Variants in TBC1D5 observed in about 807,000 individuals in gnomAD.
The protein encoded by TBC1D5 is TBC1 domain family, member 5.
In TBC1D5, 75 loss-of-function variants were observed where a neutral mutation model predicts 100.3. The ratio of observed to expected loss-of-function variants is 0.75; its 90% CI spans 0.62 to 0.91. The LOEUF (loss-of-function observed/expected upper bound fraction) is 0.91. Among genes scored for constraint, TBC1D5 ranks in the 40% least tolerant of loss-of-function variants. The pLI is 0.00. For missense variants in TBC1D5, 910 were observed against 942.4 expected, an observed-to-expected ratio of 0.97 and a Z score of 0.45; for synonymous variants, 323 against 325.6, an observed-to-expected ratio of 0.99 and a Z score of 0.09.
intron 3 of TBC1D5, among the ~76,000 whole-genome samples, chr3:17,453,012 CAA>C (rs1344502318): frequency 6.9e-6 from 1 of 145,610 alleles, no homozygotes; most frequent in East Asian, 2.0e-4. Context: ...GAGGAATTTT[CAA>C]AACTATGCAA....
At chr3:17,520,440 GA>G (rs1391201870) in intron 2 of TBC1D5, among the ~76,000 whole-genome samples, 10 of 152,130 alleles carry the variant, frequency 6.6e-5, no homozygotes, top group Non-Finnish European at 1.2e-4. Flanking sequence ...ATTGAAACAT[GA>G]TTTTTTTCAA....
chr3:17,518,015 A>C (rs1366436365), intron 2 of TBC1D5, among the ~76,000 whole-genome samples: 3 of 152,214 alleles, frequency 2.0e-5, no homozygotes, highest in Non-Finnish European at 4.4e-5. Context: ...CAATAATAAT[A>C]AACATTAAAA....
chr3:17,428,885 T>C (rs1055210503), intron 3 of TBC1D5, among the ~76,000 whole-genome samples: 1 of 152,002 alleles, frequency 6.6e-6, no homozygotes, highest in Non-Finnish European at 1.5e-5. Flanking sequence ...TCAGTGGCAC[T>C]GTCAAAAGAG....
chr3:17,255,150 T>C (rs2077525746), intron 16 of TBC1D5, among the ~76,000 whole-genome samples: 1 of 151,982 alleles, frequency 6.6e-6, no homozygotes, highest in Non-Finnish European at 1.5e-5. Context: ...ATATTTGGAG[T>C]AAGAAGAGGA....
intron 1 of TBC1D5, among the ~76,000 whole-genome samples, chr3:17,689,803 T>G (rs1174953593): frequency 2.0e-5 from 3 of 152,044 alleles, no homozygotes; most frequent in African/African-American, 7.2e-5. Context: ...GAAATATAAC[T>G]TGCATCTGGT....
At chr3:17,556,394 T>C (rs2096521239) in intron 2 of TBC1D5, among the ~76,000 whole-genome samples, 2 of 152,192 alleles carry the variant, frequency 1.3e-5, no homozygotes, top group African/African-American at 4.8e-5. Context: ...TGTATTTTCA[T>C]CATCATCTTC....
chr3:17,700,022 A>G (rs2072906775), intron 1 of TBC1D5: 1 of 152,066 alleles, frequency 6.6e-6, no homozygotes, highest in African/African-American at 2.4e-5. Flanking sequence ...ACTCAATACA[A>G]TCAAGTTCCA....
At chr3:17,229,786 G>A (rs1421701047) in intron 17 of TBC1D5, among the ~76,000 whole-genome samples, 1 of 152,242 alleles carries the variant, frequency 6.6e-6, no homozygotes, top group East Asian at 1.9e-4. Context: ...AGACAAAACT[G>A]TACCACCCTC....
intron 1 of TBC1D5, among the ~76,000 whole-genome samples, chr3:17,705,298 AC>A (rs1234664642): frequency 1.5e-5 from 1 of 66,190 alleles, no homozygotes; most frequent in African/African-American, 5.5e-5. Flanking sequence ...CGGGGGGCTG[AC>A]CCCCCCACCT....
intron 2 of TBC1D5, among the ~76,000 whole-genome samples, chr3:17,591,109 G>A (rs1208873793): frequency 4.6e-5 from 7 of 151,146 alleles, no homozygotes; most frequent in East Asian, 3.9e-4. Context: ...GGTGGCGGGC[G>A]CCTGTAGTCC....
chr3:17,166,645 C>T, intron 21 of TBC1D5, 122 bp downstream of exon 22: 1 of 1,363,720 alleles, frequency 7.3e-7, no homozygotes, highest in Non-Finnish European at 9.9e-7. Context: ...AGCACCTCCG[C>T]AGTTGAACTT....
chr3:17,344,871 A>C (rs1388305682), intron 13 of TBC1D5, among the ~76,000 whole-genome samples: 1 of 152,190 alleles, frequency 6.6e-6, no homozygotes, highest in African/African-American at 2.4e-5. Context: ...CATATGTAGA[A>C]AGCTGAAACT....
chr3:17,536,926 A>G (rs2096287697), intron 2 of TBC1D5, among the ~76,000 whole-genome samples: 1 of 152,202 alleles, frequency 6.6e-6, no homozygotes, highest in Non-Finnish European at 1.5e-5. Context: ...ATGAGGTCTC[A>G]GAGTTAGCAG....
At chr3:17,620,378 T>C (rs952110439) in intron 2 of TBC1D5, among the ~76,000 whole-genome samples, 2 of 152,216 alleles carry the variant, frequency 1.3e-5, no homozygotes, top group Non-Finnish European at 2.9e-5. Flanking sequence ...AGCATATTTG[T>C]AATTGTAAAA....
At chr3:17,466,053 G>A (rs957492521) in intron 3 of TBC1D5, among the ~76,000 whole-genome samples, 1 of 152,180 alleles carries the variant, frequency 6.6e-6, no homozygotes, top group African/African-American at 2.4e-5. Context: ...TCCTGTTACA[G>A]GGATCCCTGC....
intron 2 of TBC1D5, among the ~76,000 whole-genome samples, chr3:17,603,834 G>A (rs1271967414): frequency 6.6e-6 from 1 of 151,954 alleles, no homozygotes. Flanking sequence ...TAGTAGAGAT[G>A]GGGTTTTACC....
At chr3:17,403,380 G>A (rs1337283842) in intron 7 of TBC1D5, 132 bp from the exon 8 acceptor site, 4 of 468,734 alleles carry the variant, frequency 8.5e-6, no homozygotes, top group East Asian at 3.6e-5. Context: ...TAGAAAACCT[G>A]AGACTGGGGT....
chr3:17,409,965 C>T (rs1399719810), intron 4 of TBC1D5, among the ~76,000 whole-genome samples: 1 of 152,142 alleles, frequency 6.6e-6, no homozygotes, highest in Non-Finnish European at 1.5e-5. Context: ...AAGGTAGCTA[C>T]AATAAACAAT....
At chr3:17,338,984 G>C (rs1330505113) in intron 13 of TBC1D5, among the ~76,000 whole-genome samples, 1 of 152,196 alleles carries the variant, frequency 6.6e-6, no homozygotes, top group East Asian at 1.9e-4. Flanking sequence ...GTCTCATTTA[G>C]ATATTCCTGC....
Sources: gnomAD v4.1 joint callset for allele counts (sites outside exome capture counted in the v4.1 genomes callset) on GRCh38, gnomAD v4.1.1 for gene constraint, MANE v1.5 for transcripts, NCBI Gene and HGNC (gene_info 2026-07-23, HGNC 2026-07-21) for gene names.